The following NRCAM variants were observed in gnomAD, a reference collection of about 807,000 sequenced individuals.
NRCAM encodes the protein NgCAM-related cell adhesion molecule.
NRCAM carries 83 observed loss-of-function variants against 156.5 expected under a neutral mutation model. The observed-to-expected ratio is 0.53, with a 90% CI of 0.44 to 0.64. NRCAM has a LOEUF of 0.64. Ranked by LOEUF, NRCAM falls within the 30% of genes least tolerant of loss-of-function variation. NRCAM has a pLI of 0.00. For missense variants in NRCAM, 1,417 were observed against 1,597.3 expected, an observed-to-expected ratio of 0.89 and a Z score of 1.92; for synonymous variants, 538 against 563.9, an observed-to-expected ratio of 0.95 and a Z score of 0.65.
Position 108,226,260 on chromosome 7 carries a change from A to T in NRCAM, c.669T>A (p.Asn223Lys). 2 of 1,611,218 alleles carry T rather than the reference A, an allele frequency of 1.2e-6. No homozygotes were observed. The highest frequency in any genetic ancestry group is 8.5e-7 in the Non-Finnish European group (1 of 1,178,906). ...GCTTCTGCTGTATGGTTTGAGTATG[A>T]TTAAATCTAGCATAACAGATATAGT... is the stretch of plus-strand genomic sequence containing the variant. ...REDYICYARF[N>K]HTQTIQQKQP... The change falls in exon 9 of 33, where the codon AAT (asparagine) becomes AAA (lysine). Residue 223 changes from asparagine to lysine, a missense_variant. Physicochemically the swap from Asn to Lys is moderately conservative, Grantham distance 94. Transcript: ENST00000379028.
intron 3 of NRCAM, among the ~76,000 whole-genome samples, chr7:108,250,472 T>C (rs1170940220): frequency 6.6e-6 from 1 of 150,448 alleles, no homozygotes; most frequent in Non-Finnish European, 1.5e-5. Context: ...ATCCTGTCAT[T>C]TGTAACAACA....
At chr7:108,433,747 C>T (rs1357045494) in intron 1 of NRCAM, among the ~76,000 whole-genome samples, 5 of 152,302 alleles carry the variant, frequency 3.3e-5, no homozygotes, top group Non-Finnish European at 5.9e-5. Flanking sequence ...AGGCCCTCAC[C>T]TGAAACTGAG....
chr7:108,451,090 G>A lies in NRCAM; in HGVS notation c.-332+5153C>T, dbSNP rs199698654. ...AAAAATTAGCTGGGCATGGTGGCAG[G>A]TGCCTGTAATCCCAGGTAATCAGGT... On this transcript the variant is annotated intron_variant, in intron 1 of 32. Coordinates refer to ENST00000379028, the MANE Select transcript of NRCAM (RefSeq NM_001037132.4). Among the ~76,000 whole-genome samples, 3 of 151,944 alleles carry A rather than the reference G, an allele frequency of 2.0e-5. No homozygotes were observed. In the East Asian group the frequency reaches 5.8e-4, roughly 29 times the overall value.
Position 108,195,794 on chromosome 7 carries a change from GCA to G in NRCAM, c.1428_1429del (p.Ala477LeufsTer13). 1 of 1,612,346 alleles carries G rather than the reference GCA, an allele frequency of 6.2e-7. No homozygotes were observed. Among genetic ancestry groups the G allele is most frequent in the Non-Finnish European group, 8.5e-7 (1 of 1,178,610 alleles). ...GGTTGGGAGAGGAGACCCAAAGAAG[GCA>G]CAGTCTAGTAAAGCAGGCCTGTTTG... On this transcript the variant is annotated frameshift_variant, in exon 15 of 33. Coordinates refer to ENST00000379028, the MANE Select transcript of NRCAM (RefSeq NM_001037132.4). LOFTEE classifies it high-confidence loss of function.
chr7:108,315,127 C>A (rs1320845127), intron 2 of NRCAM, among the ~76,000 whole-genome samples: 1 of 151,938 alleles, frequency 6.6e-6, no homozygotes, highest in African/African-American at 2.4e-5. Context: ...TATATCTGCA[C>A]AAGTATGTAT....
intron 2 of NRCAM, among the ~76,000 whole-genome samples, chr7:108,339,024 T>G (rs1217827871): frequency 6.6e-6 from 1 of 152,248 alleles, no homozygotes. Flanking sequence ...TTCAGAATTA[T>G]TCTAAGTCAA....
intron 2 of NRCAM, among the ~76,000 whole-genome samples, chr7:108,343,000 T>G (rs752760437): frequency 5.3e-5 from 8 of 152,190 alleles, no homozygotes; most frequent in Non-Finnish European, 8.8e-5. Flanking sequence ...ATAACATAAC[T>G]GTCAACAAGT....
chr7:108,275,265 G>A (rs1175924267), intron 3 of NRCAM, among the ~76,000 whole-genome samples: 1 of 152,146 alleles, frequency 6.6e-6, no homozygotes, highest in African/African-American at 2.4e-5. Context: ...AATGAGTTAG[G>A]GAGGATTCCC....
intron 23 of NRCAM, 76 bp downstream of exon 23, chr7:108,182,619 G>T: frequency 7.5e-7 from 1 of 1,334,818 alleles, no homozygotes; most frequent in Non-Finnish European, 1.1e-6. Flanking sequence ...TGCAACCTGA[G>T]CAAGGAGAAA....
chr7:108,322,746 T>C (rs1033255754), intron 2 of NRCAM, among the ~76,000 whole-genome samples: 3 of 152,164 alleles, frequency 2.0e-5, no homozygotes, highest in African/African-American at 4.8e-5. Flanking sequence ...TTTAAGGTTA[T>C]GAAACACTGA....
At chr7:108,193,857 G>A (rs1281653353) in intron 17 of NRCAM, among the ~76,000 whole-genome samples, 167 bp downstream of exon 17, 1 of 152,084 alleles carries the variant, frequency 6.6e-6, no homozygotes, top group African/African-American at 2.4e-5. Flanking sequence ...ATACCTTCTT[G>A]GGTGCATATA....
At chr7:108,268,869 A>G (rs993667049) in intron 3 of NRCAM, among the ~76,000 whole-genome samples, 2 of 152,254 alleles carry the variant, frequency 1.3e-5, no homozygotes, top group Non-Finnish European at 2.9e-5. Context: ...CTCTTCTTAC[A>G]TGCATGGCAC....
At chr7:108,258,199 T>C (rs1009230178) in intron 3 of NRCAM, among the ~76,000 whole-genome samples, 1 of 152,182 alleles carries the variant, frequency 6.6e-6, no homozygotes, top group South Asian at 2.1e-4. Flanking sequence ...GGCCGAAACA[T>C]GCTCCAGGTT....
chr7:108,362,054 C>G (rs2099555706), intron 2 of NRCAM, among the ~76,000 whole-genome samples: 1 of 152,112 alleles, frequency 6.6e-6, no homozygotes, highest in South Asian at 2.1e-4. Flanking sequence ...GGAAGCAACC[C>G]AGATGTCTTT....
At chr7:108,427,015 T>A (rs555683925) in intron 1 of NRCAM, among the ~76,000 whole-genome samples, 1 of 152,108 alleles carries the variant, frequency 6.6e-6, no homozygotes, top group African/African-American at 2.4e-5. Context: ...CCAATCTACT[T>A]CTCCATATTC....
At chr7:108,367,257 T>A (rs1331332074) in intron 2 of NRCAM, among the ~76,000 whole-genome samples, 1 of 152,214 alleles carries the variant, frequency 6.6e-6, no homozygotes, top group African/African-American at 2.4e-5. Flanking sequence ...ATCATCCTGC[T>A]AAAACTCTAA....
chr7:108,162,701 T>C (rs2151490089), intron 30 of NRCAM, among the ~76,000 whole-genome samples: 1 of 152,336 alleles, frequency 6.6e-6, no homozygotes, highest in African/African-American at 2.4e-5. Context: ...TTTCTGCCTC[T>C]GTGTCTAAAG....
At chr7:108,425,738 T>C (rs1235483443) in intron 1 of NRCAM, among the ~76,000 whole-genome samples, 2 of 152,194 alleles carry the variant, frequency 1.3e-5, no homozygotes, top group African/African-American at 4.8e-5. Context: ...CTAGAGATGA[T>C]ATTGGCAAAC....
chr7:108,221,851 C>A (rs2092399833), intron 11 of NRCAM, among the ~76,000 whole-genome samples: 1 of 151,692 alleles, frequency 6.6e-6, no homozygotes, highest in African/African-American at 2.4e-5. Context: ...CCACCTGTAC[C>A]CCAATAACCT....
Sources: gnomAD v4.1 joint callset for allele counts (sites outside exome capture counted in the v4.1 genomes callset) on GRCh38, gnomAD v4.1.1 for gene constraint, MANE v1.5 for transcripts, NCBI Gene and HGNC (gene_info 2026-07-23, HGNC 2026-07-21) for gene names.